Variants in BCL9 observed in about 807,000 individuals in gnomAD.
BCL9 encodes the protein BCL9 transcription coactivator, also known as B-cell CLL/lymphoma 9 protein.
BCL9 carries 25 observed loss-of-function variants against 88.5 expected under a neutral mutation model. The ratio of observed to expected loss-of-function variants is 0.28; its 90% confidence interval spans 0.21 to 0.39. BCL9 has a LOEUF of 0.39. Ranked by LOEUF, BCL9 falls within the 10% of genes least tolerant of loss-of-function variation. The pLI is 1.00. For synonymous variants in BCL9, 711 were observed against 673.3 expected (o/e 1.06, Z -0.87); for missense variants, 1,817 against 1,877.8 (o/e 0.97, Z 0.60).
At chr1:147,554,486 T>C (rs1553195176) in intron 1 of BCL9, among the ~76,000 whole-genome samples, 1 of 152,218 alleles carries the variant, frequency 6.6e-6, no homozygotes, top group Non-Finnish European at 1.5e-5. Context: ...GGCAGGATAA[T>C]TGGAATCCTT....
intron 6 of BCL9, 111 bp downstream of exon 6, chr1:147,614,727 A>G (rs1263703848): frequency 2.5e-6 from 3 of 1,199,890 alleles, no homozygotes; most frequent in Admixed American, 6.5e-5. Flanking sequence ...CAGTACAGAT[A>G]AAACATAAAA....
intron 1 of BCL9, among the ~76,000 whole-genome samples, chr1:147,574,257 G>C (rs1444143637): frequency 6.6e-6 from 1 of 152,164 alleles, no homozygotes; most frequent in African/African-American, 2.4e-5. Context: ...GTGGGGGTCA[G>C]CTTTTGCCAC....
intron 3 of BCL9, among the ~76,000 whole-genome samples, chr1:147,610,652 A>C (rs1421871641): frequency 6.6e-6 from 1 of 152,180 alleles, no homozygotes. Flanking sequence ...AAGGGGGTTG[A>C]TAATGGGATA....
chr1:147,587,710 A>G (rs908019708), intron 1 of BCL9, among the ~76,000 whole-genome samples: 1 of 152,064 alleles, frequency 6.6e-6, no homozygotes, highest in African/African-American at 2.4e-5. Context: ...TAAAAACCCA[A>G]AGGAAATGTT....
chr1:147,593,422 A>T (rs1257146919), intron 1 of BCL9, among the ~76,000 whole-genome samples: 2 of 152,124 alleles, frequency 1.3e-5, no homozygotes, highest in African/African-American at 4.8e-5. Context: ...ATTCTTTAAG[A>T]TTCCACTCAG....
At chr1:147,551,915 T>C (rs1440980057) in intron 1 of BCL9, among the ~76,000 whole-genome samples, 1 of 152,230 alleles carries the variant, frequency 6.6e-6, no homozygotes, top group African/African-American at 2.4e-5. Flanking sequence ...ATAAGGTCTC[T>C]GAGACCTGAG....
intron 1 of BCL9, among the ~76,000 whole-genome samples, chr1:147,589,132 A>C (rs12097989): frequency 0.09 from 13,692 of 152,012 alleles, 1,722 homozygotes; most frequent in African/African-American, 0.29. Context: ...TGAAAGCTTT[A>C]CCCTTGACAT....
chr1:147,563,284 C>T (rs1382172580), intron 1 of BCL9, among the ~76,000 whole-genome samples: 1 of 152,196 alleles, frequency 6.6e-6, no homozygotes, highest in African/African-American at 2.4e-5. Context: ...CTCCTCTTCA[C>T]CAAAAGTAAG....
In BCL9 at chr1:147,620,024, C is replaced by T. The variant is rs1658526408; in HGVS notation, c.1869C>T (p.Asn623=). 4 of 1,614,042 alleles carry T rather than the reference C, an allele frequency of 2.5e-6. No homozygotes were observed. Among genetic ancestry groups the T allele is most frequent in the Non-Finnish European group, 3.4e-6 (4 of 1,180,034 alleles). ...SGPGRGERFP[N]PQGLSEEMFQ... ...CTGGCCGAGGGGAACGCTTCCCAAA[C>T]CCCCAAGGATTGTCTGAAGAGATGT... Residue 623 remains asparagine (N), a synonymous_variant, in exon 8 of 10, where the codon AAC becomes AAT. Coordinates refer to ENST00000234739, the MANE Select transcript of BCL9 (RefSeq NM_004326.4).
rs1212638044 is a variant in BCL9 at position 147,560,591 on chromosome 1, C to T, written c.-478+18917C>T. Among the ~76,000 whole-genome samples, 10 of 114,268 alleles carry T rather than the reference C, an allele frequency of 8.8e-5. No individual in the cohort carries two copies. In the South Asian group the frequency reaches 1.3e-3, roughly 15 times the overall value. 75.0% of individuals were successfully genotyped at this position (114,268 alleles called of 152,430 possible). A position where few individuals can be genotyped will look rare whatever the true frequency, so the allele number is the denominator to read the frequency against. ...CATCACACTCCAGCCTGGGGGACAA[C>T]AGCGAGACTTCATCTAAAAAAAAAA... On this transcript the variant is annotated intron_variant, in intron 1 of 9. Transcript: ENST00000234739.
At chr1:147,598,114 G>A (rs776696441) in intron 1 of BCL9, among the ~76,000 whole-genome samples, 1 of 152,094 alleles carries the variant, frequency 6.6e-6, no homozygotes, top group Non-Finnish European at 1.5e-5. Context: ...AATGTTTCTT[G>A]CATATTGCTG....
intron 4 of BCL9, 51 bp downstream of exon 4, chr1:147,611,940 G>T (rs782284646): frequency 3.9e-6 from 6 of 1,540,278 alleles, no homozygotes; most frequent in Non-Finnish European, 9.0e-7. Context: ...GATGCCATAG[G>T]CACATCATGA....
intron 5 of BCL9, 96 bp downstream of exon 5, chr1:147,613,295 C>A: frequency 8.0e-7 from 1 of 1,243,296 alleles, no homozygotes; most frequent in Non-Finnish European, 1.2e-6. Flanking sequence ...TAATATCAGA[C>A]AAGTGGGGAG....
intron 1 of BCL9, among the ~76,000 whole-genome samples, chr1:147,593,328 C>T (rs1249935641): frequency 6.6e-6 from 1 of 152,142 alleles, no homozygotes; most frequent in Admixed American, 6.5e-5. Context: ...TGCCTTCTAT[C>T]TTGCATTGTG....
At chr1:147,570,968 A>AT (rs1228375981) in intron 1 of BCL9, among the ~76,000 whole-genome samples, 5 of 141,900 alleles carry the variant, frequency 3.5e-5, no homozygotes, top group South Asian at 2.3e-4. Context: ...TTTTCCTTTT[A>AT]TTTTTTTTGA....
chr1:147,610,619 G>T (rs1458460073), intron 3 of BCL9, among the ~76,000 whole-genome samples: 2 of 152,066 alleles, frequency 1.3e-5, no homozygotes, highest in African/African-American at 4.8e-5. Context: ...CCTATACTTT[G>T]TCAGTAAGAT....
chr1:147,587,955 T>A (rs1444314674), intron 1 of BCL9, among the ~76,000 whole-genome samples: 4 of 152,316 alleles, frequency 2.6e-5, no homozygotes, highest in African/African-American at 9.6e-5. Flanking sequence ...TAGGTTATAA[T>A]GAAATATAAT....
At chr1:147,589,252 G>A (rs587603699) in intron 1 of BCL9, among the ~76,000 whole-genome samples, 1 of 152,186 alleles carries the variant, frequency 6.6e-6, no homozygotes, top group South Asian at 2.1e-4. Context: ...AGACATCTCC[G>A]TTTTGGTGTT....
rs1553204459 is a variant in BCL9 at position 147,619,259 on chromosome 1, T to A, written c.1104T>A (p.Asp368Glu). The A allele has an allele frequency of 6.2e-7, 1 of 1,614,120 alleles. No individual in the cohort carries two copies. The highest frequency in any genetic ancestry group is 1.7e-5 in the Admixed American group (1 of 60,022). The change falls in exon 8 of 10, where the codon GAT becomes GAA. Residue 368 changes from aspartate to glutamate, a missense_variant. Physicochemically the swap from Asp to Glu is conservative, Grantham distance 45. Around this residue, in one of 2 missense-constraint regions of BCL9, gnomAD observed 1,228 missense variants for 1,191.6 expected, o/e 1.03. Transcript: ENST00000234739. This position sits in a 1 kb window ranked among gnomAD's most constrained non-coding sequence, Gnocchi z 4.1. Reference protein sequence around the residue: ...HRERSLQTLRDIQRMLFPDEK... With the variant: ...HRERSLQTLREIQRMLFPDEK... Reference sequence around the variant, plus strand: ...AGCGCTCCTTACAAACTCTCAGAGATATCCAGCGCATGCTTTTTCCTGATG... The same window carrying A: ...AGCGCTCCTTACAAACTCTCAGAGAAATCCAGCGCATGCTTTTTCCTGATG...
Sources: gnomAD v4.1 joint callset for allele counts (sites outside exome capture counted in the v4.1 genomes callset) on GRCh38, gnomAD v4.1.1 for gene constraint, gnomAD v4.1.1 regional missense constraint, Gnocchi (gnomAD v3.1) non-coding constraint, MANE v1.5 for transcripts, NCBI Gene and HGNC (gene_info 2026-07-23, HGNC 2026-07-21) for gene names.